ALK: variants seen among roughly 807,000 people sequenced by gnomAD.
ALK encodes ALK receptor tyrosine kinase.
ALK carries 74 observed loss-of-function variants against 163.1 expected under a neutral mutation model. That is an observed-to-expected ratio of 0.45 (90% confidence interval 0.38 to 0.55). The LOEUF (loss-of-function observed/expected upper bound fraction) is 0.55. ALK is among the 20% of genes least tolerant of loss of function. ALK has a pLI of 0.00. For synonymous variants in ALK, 960 were observed against 843.2 expected, an observed-to-expected ratio of 1.14 and a Z score of -2.40; for missense variants, 2,063 against 2,105.3, an observed-to-expected ratio of 0.98 and a Z score of 0.39.
chr2:29,404,202 G>A (rs1460836602), intron 4 of ALK, among the ~76,000 whole-genome samples: 1 of 151,818 alleles, frequency 6.6e-6, no homozygotes, highest in Non-Finnish European at 1.5e-5. Context: ...TACTCGGAAG[G>A]TGGAGGTGGG....
chr2:29,572,759 A>G (rs1434426342), intron 3 of ALK, among the ~76,000 whole-genome samples: 1 of 152,164 alleles, frequency 6.6e-6, no homozygotes, highest in Non-Finnish European at 1.5e-5. Context: ...CAGATGAATG[A>G]AGACTTCTCT....
intron 1 of ALK, among the ~76,000 whole-genome samples, chr2:29,893,795 A>T (rs138706630): frequency 6.6e-6 from 1 of 152,152 alleles, no homozygotes; most frequent in African/African-American, 2.4e-5. Context: ...GTGGCTCAAG[A>T]AGTTTCTTCT....
At chr2:29,325,994 A>G (rs1265150495) in intron 6 of ALK, among the ~76,000 whole-genome samples, 1 of 152,194 alleles carries the variant, frequency 6.6e-6, no homozygotes, top group African/African-American at 2.4e-5. Context: ...GATATTTTCT[A>G]AGAGTTTTGC....
intron 3 of ALK, among the ~76,000 whole-genome samples, chr2:29,625,064 G>C (rs935042384): frequency 6.6e-6 from 1 of 152,186 alleles, no homozygotes; most frequent in East Asian, 1.9e-4. Context: ...AGTGTGGGGA[G>C]GCAGTCAGAG....
chr2:29,554,189 TC>T (rs1224237885), intron 3 of ALK, among the ~76,000 whole-genome samples: 1 of 152,204 alleles, frequency 6.6e-6, no homozygotes, highest in Middle Eastern at 3.2e-3. Flanking sequence ...GCTTTATGGA[TC>T]TTTGGCTGGA....
At chr2:29,434,228 T>C (rs1389009428) in intron 4 of ALK, among the ~76,000 whole-genome samples, 1 of 152,204 alleles carries the variant, frequency 6.6e-6, no homozygotes, top group African/African-American at 2.4e-5. Context: ...TATATATCTA[T>C]ATGATACACT....
chr2:29,531,468 C>A (rs564634734), intron 4 of ALK, among the ~76,000 whole-genome samples: 23 of 152,298 alleles, frequency 1.5e-4, no homozygotes, highest in African/African-American at 5.5e-4. Context: ...TAATCCTGCT[C>A]TGGGGTACCA....
intron 1 of ALK, among the ~76,000 whole-genome samples, chr2:29,828,867 T>C (rs1183365155): frequency 2.0e-5 from 3 of 152,076 alleles, no homozygotes; most frequent in Non-Finnish European, 2.9e-5. Flanking sequence ...CATGCACATG[T>C]ATGTTTATTG....
intron 3 of ALK, among the ~76,000 whole-genome samples, chr2:29,597,513 A>C (rs942253291): frequency 1.4e-4 from 22 of 152,196 alleles, no homozygotes; most frequent in Non-Finnish European, 2.5e-4. Flanking sequence ...ATAACCAATC[A>C]AATATTAATA....
intron 3 of ALK, among the ~76,000 whole-genome samples, chr2:29,580,986 A>C (rs1674673601): frequency 6.6e-6 from 1 of 152,188 alleles, no homozygotes; most frequent in African/African-American, 2.4e-5. Flanking sequence ...GCCTCTTTCC[A>C]CAAGGTCCGA....
intron 3 of ALK, among the ~76,000 whole-genome samples, chr2:29,634,460 G>C (rs923959154): frequency 1.1e-4 from 16 of 152,152 alleles, no homozygotes; most frequent in Admixed American, 7.9e-4. Context: ...GGGATGCAAG[G>C]CTGGTTCAAT....
intron 4 of ALK, among the ~76,000 whole-genome samples, chr2:29,502,154 C>T (rs1672204927): frequency 6.6e-6 from 1 of 152,176 alleles, no homozygotes; most frequent in Non-Finnish European, 1.5e-5. Flanking sequence ...GAGAATAAAA[C>T]AGGCATCATC....
At chr2:29,874,745 G>C (rs1666661542) in intron 1 of ALK, among the ~76,000 whole-genome samples, 1 of 152,234 alleles carries the variant, frequency 6.6e-6, no homozygotes, top group Non-Finnish European at 1.5e-5. Flanking sequence ...TCAAAGGGTA[G>C]TAATTCCCAT....
intron 13 of ALK, among the ~76,000 whole-genome samples, chr2:29,234,690 C>A (rs116804444): frequency 6.6e-6 from 1 of 152,094 alleles, no homozygotes; most frequent in African/African-American, 2.4e-5. Context: ...ATTTACTGAG[C>A]GTAGTACAAG....
At chr2:29,376,095 C>T (rs1037692885) in intron 5 of ALK, among the ~76,000 whole-genome samples, 2 of 151,978 alleles carry the variant, frequency 1.3e-5, no homozygotes, top group Admixed American at 6.6e-5. Context: ...ACCTCTCCTC[C>T]GTCCAGAGAA....
At chr2:29,231,724 G>C (rs1343511975) in intron 15 of ALK, among the ~76,000 whole-genome samples, 1 of 152,222 alleles carries the variant, frequency 6.6e-6, no homozygotes, top group East Asian at 1.9e-4. Context: ...AAAAGGAATT[G>C]CATTTTCTGT....
At chr2:29,581,385 C>G (rs1476020550) in intron 3 of ALK, among the ~76,000 whole-genome samples, 1 of 143,950 alleles carries the variant, frequency 6.9e-6, no homozygotes, top group East Asian at 1.9e-4. Flanking sequence ...GAGGATCCAT[C>G]TCAAATAAAA....
chr2:29,192,991 T>G lies in ALK; in HGVS notation c.*233A>C. 2 of 555,354 alleles carry G rather than the reference T, an allele frequency of 3.6e-6. No individual in the cohort carries two copies. Among genetic ancestry groups the G allele is most frequent in the African/African-American group, 1.9e-5 (1 of 53,336 alleles). The allele number at this position is 555,354 out of a possible 1,614,324, so 34.4% of individuals were successfully genotyped here. A position where few individuals can be genotyped will look rare whatever the true frequency, so the allele number is the denominator to read the frequency against. On this transcript the variant is annotated 3_prime_UTR_variant, in exon 29 of 29. Coordinates refer to ENST00000389048, the MANE Select transcript of ALK (RefSeq NM_004304.5). ...ACCTTATGCAACCACATCTGGGCCT[T>G]GTATTTATCACTCATTTTTATGATA...
At chr2:29,477,258 C>G (rs1671549303) in intron 4 of ALK, among the ~76,000 whole-genome samples, 1 of 152,150 alleles carries the variant, frequency 6.6e-6, no homozygotes, top group Non-Finnish European at 1.5e-5. Flanking sequence ...CATCCCACTA[C>G]CCAGAGGCAG....
Sources: gnomAD v4.1 joint callset for allele counts (sites outside exome capture counted in the v4.1 genomes callset) on GRCh38, gnomAD v4.1.1 for gene constraint, MANE v1.5 for transcripts, NCBI Gene and HGNC (gene_info 2026-07-23, HGNC 2026-07-21) for gene names.